Variants in C1orf94 observed in about 807,000 individuals in gnomAD.
C1orf94 encodes the protein chromosome 1 open reading frame 94.
Under a neutral mutation model 53.6 loss-of-function variants are expected in C1orf94, and 45 were observed. The observed-to-expected ratio is 0.84, with a 90% confidence interval of 0.66 to 1.08. C1orf94 has a LOEUF of 1.08. Among genes scored for constraint, C1orf94 ranks in the 50% least tolerant of loss-of-function variants. The pLI is 0.00. For synonymous variants in C1orf94, 304 were observed against 296.1 expected (o/e 1.03, Z -0.27); for missense variants, 762 against 738.9 (o/e 1.03, Z -0.36).
At chr1:34,175,158 T>A (rs1055715994), upstream of C1orf94, among the ~76,000 whole-genome samples, 2 of 151,890 alleles carry the variant, frequency 1.3e-5, no homozygotes, top group African/African-American at 4.8e-5. Context: ...AAAAACATGC[T>A]CTATCTTTGT....
At chr1:34,178,949 T>TAATACC (rs1642272444) in intron 1 of C1orf94, among the ~76,000 whole-genome samples, 4 of 152,216 alleles carry the variant, frequency 2.6e-5, no homozygotes, top group Non-Finnish European at 5.9e-5. Context: ...GTGTCCCCAT[T>TAATACC]TTACAGATGG....
chr1:34,217,478 C>CAT (rs1553131942), intron 6 of C1orf94, among the ~76,000 whole-genome samples: 10 of 151,806 alleles, frequency 6.6e-5, no homozygotes, highest in Non-Finnish European at 1.2e-4. Flanking sequence ...TCTGAATGAT[C>CAT]CCAATATGAT....
chr1:34,215,946 C>T (rs1249998881), intron 6 of C1orf94, among the ~76,000 whole-genome samples: 1 of 152,138 alleles, frequency 6.6e-6, no homozygotes, highest in Non-Finnish European at 1.5e-5. Context: ...GCGGAGGTTG[C>T]AGTGAGCCGA....
intron 6 of C1orf94, among the ~76,000 whole-genome samples, 200 bp downstream of exon 6, chr1:34,212,606 G>T (rs150435520): frequency 6.6e-6 from 1 of 152,130 alleles, no homozygotes; most frequent in Non-Finnish European, 1.5e-5. Flanking sequence ...GGGCCTGGTG[G>T]GCCCCTTTTG....
chr1:34,171,266 C>T (rs943912854), intron 1 of C1orf94, among the ~76,000 whole-genome samples: 3 of 152,222 alleles, frequency 2.0e-5, no homozygotes, highest in Non-Finnish European at 4.4e-5. Context: ...CCCCTTTCCC[C>T]TGGATCCTTC....
chr1:34,200,100 C>T lies in C1orf94; in HGVS notation c.1010-672C>T, dbSNP rs566206910. Among the ~76,000 whole-genome samples, 4 of 152,278 alleles carry T rather than the reference C, an allele frequency of 2.6e-5. No individual in the cohort carries two copies. The East Asian group carries it at 7.7e-4, about 29-fold the overall frequency. On this transcript the variant is annotated intron_variant, in intron 2 of 6. Transcript: ENST00000488417. ...TCTAGCTCTGACTCACAACTGTGTC[C>T]CCAGCACTCAGGTCAAGGCCTGGCA...
chr1:34,205,673 G>A (rs897915565), intron 4 of C1orf94, among the ~76,000 whole-genome samples: 87 of 152,310 alleles, frequency 5.7e-4, no homozygotes, highest in African/African-American at 1.9e-3. Flanking sequence ...AAGGAAATGG[G>A]GTCAGAGAGC....
At chr1:34,212,534 T>G in intron 6 of C1orf94, 128 bp downstream of exon 6, 2 of 947,664 alleles carry the variant, frequency 2.1e-6, no homozygotes, top group Non-Finnish European at 3.1e-6. Flanking sequence ...ATGGGCCCTG[T>G]ACCTGTGGCT....
chr1:34,198,795 G>A (rs1290119057), intron 2 of C1orf94, among the ~76,000 whole-genome samples: 1 of 152,212 alleles, frequency 6.6e-6, no homozygotes, highest in Admixed American at 6.5e-5. Context: ...GAAGGCCAAG[G>A]AATCAGAGCT....
chr1:34,183,581 GCGGT>G (rs1380747349), intron 1 of C1orf94, among the ~76,000 whole-genome samples: 4 of 152,202 alleles, frequency 2.6e-5, no homozygotes, highest in African/African-American at 9.7e-5. Context: ...ATTGCCAGGT[GCGGT>G]GGCTTATGCC....
intron 6 of C1orf94, among the ~76,000 whole-genome samples, chr1:34,216,356 G>A (rs1304811550): frequency 2.0e-5 from 3 of 152,156 alleles, no homozygotes; most frequent in Non-Finnish European, 4.4e-5. Flanking sequence ...GCGGAGATGT[G>A]GAGGAACCAG....
chr1:34,176,187 T>C (rs1642222971), upstream of C1orf94, among the ~76,000 whole-genome samples: 1 of 152,064 alleles, frequency 6.6e-6, no homozygotes, highest in African/African-American at 2.4e-5. Flanking sequence ...GTTCTTAAGG[T>C]CACACAGCTC....
chr1:34,167,715 A>G (rs1024983484), intron 1 of C1orf94, among the ~76,000 whole-genome samples: 4 of 151,956 alleles, frequency 2.6e-5, no homozygotes, highest in Non-Finnish European at 5.9e-5. Flanking sequence ...GTGGAAACCC[A>G]CACGTAACTG....
At position 34,202,120 on chromosome 1, in the gene C1orf94, C is replaced by T. The variant is rs368292790; in HGVS notation, c.1307C>T (p.Pro436Leu). 11 of 1,613,992 alleles carry T rather than the reference C, an allele frequency of 6.8e-6. No homozygotes were observed. Among genetic ancestry groups the T allele is most frequent in the African/African-American group, 2.7e-5 (2 of 74,906 alleles). ...GTGACGGTTGCTGACAAGAACAACC[C>T]GAAGTACACAGGGAATGTTTTCACT... Reference protein sequence around the residue: ...APVTVADKNNPKYTGNVFTPH... With the variant: ...APVTVADKNNLKYTGNVFTPH... The change falls in exon 4 of 7, where the codon CCG (proline) becomes CTG (leucine). Residue 436 changes from proline (P) to leucine (L), a missense_variant. Transcript: ENST00000488417.
intron 1 of C1orf94, among the ~76,000 whole-genome samples, chr1:34,178,492 A>G (rs1296341241): frequency 2.6e-5 from 4 of 152,252 alleles, no homozygotes; most frequent in Non-Finnish European, 4.4e-5. Flanking sequence ...AGGCATTCAC[A>G]TGGATGAGTC....
At chr1:34,218,626 C>A (rs189179179) in intron 6 of C1orf94, 60 bp from the exon 7 acceptor site, 93 of 1,355,064 alleles carry the variant, frequency 6.9e-5, no homozygotes, top group African/African-American at 4.9e-4. Context: ...ATATATTTTT[C>A]TAATTCTCTC....
chr1:34,174,107 T>C (rs1240224249), upstream of C1orf94, among the ~76,000 whole-genome samples: 1 of 152,242 alleles, frequency 6.6e-6, no homozygotes, highest in African/African-American at 2.4e-5. Flanking sequence ...TTTTGACCCA[T>C]GATGGATGCT....
At chr1:34,214,194 G>A (rs1217574168) in intron 6 of C1orf94, among the ~76,000 whole-genome samples, 1 of 152,228 alleles carries the variant, frequency 6.6e-6, no homozygotes, top group Non-Finnish European at 1.5e-5. Context: ...GCAGCACTGG[G>A]AGGAGGGCAT....
At chr1:34,198,048 G>A (rs1642632866) in intron 2 of C1orf94, 135 bp downstream of exon 2, 1 of 982,788 alleles carries the variant, frequency 1.0e-6, no homozygotes, top group East Asian at 2.6e-5. Context: ...GGTGGGCACA[G>A]CCCCGAGGGA....
Sources: gnomAD v4.1 joint callset for allele counts (sites outside exome capture counted in the v4.1 genomes callset) on GRCh38, gnomAD v4.1.1 for gene constraint, MANE v1.5 for transcripts, NCBI Gene and HGNC (gene_info 2026-07-23, HGNC 2026-07-21) for gene names.